WWOX: variants seen among roughly 807,000 people sequenced by gnomAD.
WWOX encodes the protein WW domain containing oxidoreductase.
In WWOX, 69 loss-of-function variants were observed where a neutral mutation model predicts 46.2. The ratio of observed to expected loss-of-function variants is 1.49; its 90% CI spans 1.23 to 1.82. The LOEUF (loss-of-function observed/expected upper bound fraction) is 1.82, where lower values mean the gene tolerates loss of function less well. WWOX is among the 40% of genes most tolerant of loss of function. The pLI is 0.00. For synonymous variants in WWOX, 359 were observed against 202.6 expected, an observed-to-expected ratio of 1.77 and a Z score of -6.56; for missense variants, 919 against 542.6, an observed-to-expected ratio of 1.69 and a Z score of -6.89.
intron 8 of WWOX, among the ~76,000 whole-genome samples, chr16:78,978,166 A>G (rs988889705): frequency 1.3e-5 from 2 of 152,212 alleles, no homozygotes; most frequent in African/African-American, 4.8e-5. Flanking sequence ...GGCATGTATC[A>G]GTACTTCATT....
At chr16:78,446,031 T>C (rs1318546957) in intron 8 of WWOX, among the ~76,000 whole-genome samples, 1 of 152,214 alleles carries the variant, frequency 6.6e-6, no homozygotes, top group African/African-American at 2.4e-5. Flanking sequence ...GACTGATAAC[T>C]GGGCTTATTT....
chr16:78,709,640 G>A (rs961149793), intron 8 of WWOX, among the ~76,000 whole-genome samples: 1 of 152,128 alleles, frequency 6.6e-6, no homozygotes, highest in Non-Finnish European at 1.5e-5. Flanking sequence ...CTTTTAACAG[G>A]GAATGAAAAC....
chr16:78,666,191 G>A (rs866643578), intron 8 of WWOX, among the ~76,000 whole-genome samples: 2 of 152,232 alleles, frequency 1.3e-5, no homozygotes, highest in Middle Eastern at 3.4e-3. Context: ...GGAGGCTAAG[G>A]CAGGGGGATT....
chr16:78,893,979 G>C (rs1356882116), intron 8 of WWOX, among the ~76,000 whole-genome samples: 1 of 151,064 alleles, frequency 6.6e-6, no homozygotes, highest in African/African-American at 2.4e-5. Flanking sequence ...TGAGTACCAG[G>C]TATCCCTGAT....
intron 8 of WWOX, among the ~76,000 whole-genome samples, chr16:78,812,456 T>C (rs907693674): frequency 1.3e-4 from 20 of 152,038 alleles, no homozygotes; most frequent in Admixed American, 7.2e-4. Context: ...GCATGGTGGC[T>C]CCTGCCTGTA....
chr16:78,729,374 A>G (rs2048911833), intron 8 of WWOX, among the ~76,000 whole-genome samples: 1 of 151,828 alleles, frequency 6.6e-6, no homozygotes, highest in South Asian at 2.1e-4. Flanking sequence ...AATAAAATAA[A>G]TATATATATG....
intron 8 of WWOX, among the ~76,000 whole-genome samples, chr16:79,022,186 G>C (rs748782307): frequency 2.0e-5 from 3 of 152,166 alleles, no homozygotes; most frequent in Admixed American, 6.5e-5. Flanking sequence ...ATAAAAGGTA[G>C]AGTTGCAAAG....
intron 8 of WWOX, among the ~76,000 whole-genome samples, chr16:79,087,042 G>C (rs1188774628): frequency 6.6e-6 from 1 of 152,224 alleles, no homozygotes; most frequent in African/African-American, 2.4e-5. Flanking sequence ...ATCTGCTCCT[G>C]ATGGACAGCT....
At chr16:78,542,434 G>C (rs1192287528) in intron 8 of WWOX, among the ~76,000 whole-genome samples, 1 of 152,136 alleles carries the variant, frequency 6.6e-6, no homozygotes, top group East Asian at 1.9e-4. Flanking sequence ...TAGTCCCCCA[G>C]TTTGCGTTTG....
chr16:78,597,433 G>A (rs549372399), intron 8 of WWOX, among the ~76,000 whole-genome samples: 172 of 152,270 alleles, frequency 1.1e-3, no homozygotes, highest in African/African-American at 4.0e-3. Context: ...ATCAGTGGGC[G>A]TTTTATGTTG....
In WWOX at chr16:79,212,422, C is replaced by G; in HGVS notation, c.*626C>G. On this transcript the variant is annotated 3_prime_UTR_variant, in exon 9 of 9. Coordinates refer to ENST00000566780, the MANE Select transcript of WWOX (RefSeq NM_016373.4). The stretch of plus-strand genomic sequence containing the variant: ...CTTGTCATAGACTCCTTTGCTAATG[C>G]TATGCAAAAAATTCTTTAGAGATTA... 5.6e-6 allele frequency: 2 copies of G among 358,540 alleles called. No individual in the cohort carries two copies. Among genetic ancestry groups the G allele is most frequent in the Admixed American group, 4.2e-5 (1 of 23,570 alleles). 22.2% of individuals were successfully genotyped at this position (358,540 alleles called of 1,614,324 possible).
chr16:78,955,370 C>T (rs369078063), intron 8 of WWOX, among the ~76,000 whole-genome samples: 4 of 152,082 alleles, frequency 2.6e-5, no homozygotes, highest in East Asian at 1.9e-4. Flanking sequence ...TCAGGTGTGC[C>T]GCAGCACTCA....
chr16:78,906,398 C>A (rs1406506114), intron 8 of WWOX, among the ~76,000 whole-genome samples: 1 of 152,148 alleles, frequency 6.6e-6, no homozygotes, highest in African/African-American at 2.4e-5. Flanking sequence ...GATTTCCTCT[C>A]CTTCCTACTT....
intron 8 of WWOX, among the ~76,000 whole-genome samples, chr16:78,948,010 A>G (rs1330582070): frequency 6.6e-6 from 1 of 152,176 alleles, no homozygotes; most frequent in Admixed American, 6.6e-5. Context: ...AGAGGGAGGA[A>G]GGGTGGGACG....
chr16:78,643,683 G>T (rs2046775306), intron 8 of WWOX, among the ~76,000 whole-genome samples: 1 of 152,066 alleles, frequency 6.6e-6, no homozygotes, highest in Non-Finnish European at 1.5e-5. Context: ...GTAAATGATT[G>T]TCTCACTATG....
At chr16:79,035,373 C>G (rs1293628249) in intron 8 of WWOX, among the ~76,000 whole-genome samples, 1 of 152,108 alleles carries the variant, frequency 6.6e-6, no homozygotes, top group African/African-American at 2.4e-5. Flanking sequence ...AACAAAAGGC[C>G]AACCCCATTA....
At chr16:78,892,541 A>G (rs1181154629) in intron 8 of WWOX, among the ~76,000 whole-genome samples, 1 of 152,216 alleles carries the variant, frequency 6.6e-6, no homozygotes, top group Non-Finnish European at 1.5e-5. Context: ...GGACGACAAC[A>G]TTCTTGTTCA....
intron 6 of WWOX, among the ~76,000 whole-genome samples, chr16:78,422,824 CACAT>C (rs1311865787): frequency 2.4e-5 from 3 of 123,824 alleles, no homozygotes; most frequent in Non-Finnish European, 4.7e-5. Context: ...TATATACACA[CACAT>C]ATATATATAT....
chr16:78,826,733 G>T (rs2051668180), intron 8 of WWOX, among the ~76,000 whole-genome samples: 1 of 152,150 alleles, frequency 6.6e-6, no homozygotes, highest in Non-Finnish European at 1.5e-5. Flanking sequence ...ATATGGAACT[G>T]CCTTTTTGGA....
Sources: gnomAD v4.1 joint callset for allele counts (sites outside exome capture counted in the v4.1 genomes callset) on GRCh38, gnomAD v4.1.1 for gene constraint, MANE v1.5 for transcripts, NCBI Gene and HGNC (gene_info 2026-07-23, HGNC 2026-07-21) for gene names.